TBATA: variants seen among roughly 807,000 people sequenced by gnomAD.
The protein encoded by TBATA is thymus, brain and testes associated, also known as protein TBATA.
A neutral mutation model predicts 38.7 loss-of-function variants in TBATA; 47 were observed. The observed-to-expected ratio is 1.21, with a 90% CI of 0.96 to 1.55. The LOEUF is 1.55. TBATA is among the 40% of genes most tolerant of loss of function. The probability of loss-of-function intolerance (pLI) is 0.00; values close to 1 mark genes in which losing one functional copy is unlikely to be tolerated. For synonymous variants in TBATA, 183 were observed against 170.5 expected (o/e 1.07, Z -0.57); for missense variants, 436 against 435.6 (o/e 1.00, Z -0.01).
At position 70,771,396 on chromosome 10, in the gene TBATA, T is replaced by C; in HGVS notation, c.1039A>G (p.Lys347Glu). 1.9e-6 allele frequency: 3 copies of C among 1,614,180 alleles called. No homozygotes were observed. Among genetic ancestry groups the C allele is most frequent in the Non-Finnish European group, 1.7e-6 (2 of 1,180,010 alleles). Residue 347 changes from lysine to glutamate, a missense_variant, in exon 11 of 11, where the codon AAG (lysine) becomes GAG (glutamate). Coordinates refer to ENST00000456372, the MANE Select transcript of TBATA (RefSeq NM_001318241.2). ...GCCCCTCAGCTCTCTGCCCTCGGCT[T>C]CGATGTCTTCTTCTCTGTGTTCTGG... ...SSQNTEKKTS[K>E]PRAES is the part of the protein sequence containing the mutation.
At position 70,783,480 on chromosome 10, in the gene TBATA, A is replaced by G. The variant is rs1280513141; in HGVS notation, c.-101T>C. Reference sequence around the variant, plus strand: ...AATACTAGTGTTGAGGATGCAGAACAGGAACTCTCACGAACTGGTGGTGGA... The same window carrying G: ...AATACTAGTGTTGAGGATGCAGAACGGGAACTCTCACGAACTGGTGGTGGA... On this transcript the variant is annotated 5_prime_UTR_variant, in exon 3 of 11. Transcript: ENST00000456372. 8 of 1,387,342 alleles carry G rather than the reference A, an allele frequency of 5.8e-6. No individual in the cohort carries two copies. The Admixed American group carries it at 7.0e-5, about 12-fold the overall frequency. 85.9% of individuals were successfully genotyped at this position (1,387,342 alleles called of 1,614,324 possible).
At chr10:70,775,166 G>A in intron 8 of TBATA, 23 bp downstream of exon 8, 1 of 1,602,000 alleles carries the variant, frequency 6.2e-7, no homozygotes, top group Middle Eastern at 1.7e-4. Context: ...CACTGAGACA[G>A]TGCTGCGGGG....
At chr10:70,779,785 C>A (rs376820093) in intron 4 of TBATA, 43 bp from the exon 5 acceptor site, 40 of 1,502,216 alleles carry the variant, frequency 2.7e-5, no homozygotes, top group East Asian at 2.2e-4. Context: ...CTTAGGTGGA[C>A]CTTAAGAGCT....
intron 8 of TBATA, 87 bp downstream of exon 8, chr10:70,775,102 G>A (rs1843218495): frequency 7.6e-7 from 1 of 1,319,236 alleles, no homozygotes; most frequent in Admixed American, 1.7e-5. Flanking sequence ...TGGGAGCTGA[G>A]GGACATTTGA....
In TBATA at chr10:70,783,492, G is replaced by T. The variant is rs529298761; in HGVS notation, c.-113C>A. 9.5e-6 allele frequency: 12 copies of T among 1,257,260 alleles called. No homozygotes were observed. Among genetic ancestry groups the T allele is most frequent in the African/African-American group, 8.8e-5 (6 of 68,418 alleles). 77.9% of individuals were successfully genotyped at this position (1,257,260 alleles called of 1,614,324 possible). A position where few individuals can be genotyped will look rare whatever the true frequency, so the allele number is the denominator to read the frequency against. ...GAGGATGCAGAACAGGAACTCTCACGAACTGGTGGTGGAAGTGTAAACGGG... is the reference window on the plus strand; with the variant it reads ...GAGGATGCAGAACAGGAACTCTCACTAACTGGTGGTGGAAGTGTAAACGGG... On this transcript the variant is annotated 5_prime_UTR_variant, in exon 3 of 11. Transcript: ENST00000456372.
At chr10:70,776,421 T>C (rs1301887447) in intron 7 of TBATA, 1 of 456,288 alleles carries the variant, frequency 2.2e-6, no homozygotes, top group South Asian at 1.5e-5. Flanking sequence ...CTGGCTATGC[T>C]GCTCCGTCTC....
Position 70,783,520 on chromosome 10 carries a change from C to CA in TBATA, c.-142dup. ...CTGGTGGTGGAAGTGTAAACGGGAA[C>CA]AGGCACTTTAGGGGGAGAAATGGTA... On this transcript the variant is annotated 5_prime_UTR_variant, in exon 3 of 11. Transcript: ENST00000456372. The CA allele has an allele frequency of 1.1e-6, 1 of 929,482 alleles. No homozygotes were observed. The highest frequency in any genetic ancestry group is 1.7e-6 in the Non-Finnish European group (1 of 589,020). 57.6% of individuals were successfully genotyped at this position (929,482 alleles called of 1,614,324 possible).
At chr10:70,774,503 C>A (rs1843135090) in intron 8 of TBATA, 146 bp from the exon 9 acceptor site, 1 of 725,570 alleles carries the variant, frequency 1.4e-6, no homozygotes, top group Non-Finnish European at 2.2e-6. Context: ...AGAGCTCCCC[C>A]TTCTCTCCTG....
intron 4 of TBATA, among the ~76,000 whole-genome samples, chr10:70,780,130 T>G (rs1786434734): frequency 1.3e-5 from 2 of 152,114 alleles, no homozygotes; most frequent in Non-Finnish European, 2.9e-5. Context: ...GGGCATTATG[T>G]CACAGTTCAT....
At chr10:70,779,521 C>G in intron 5 of TBATA, 72 bp downstream of exon 5, 1 of 1,416,086 alleles carries the variant, frequency 7.1e-7, no homozygotes, top group East Asian at 2.8e-5. Context: ...TTCTGGGCAC[C>G]CACCCAAGTG....
intron 8 of TBATA, 46 bp from the exon 9 acceptor site, chr10:70,774,403 T>C: frequency 2.0e-6 from 3 of 1,534,692 alleles, no homozygotes; most frequent in Non-Finnish European, 2.6e-6. Flanking sequence ...CCAGCCCCCT[T>C]CCTGTCCCTG....
chr10:70,783,368 A>G lies in TBATA; in HGVS notation c.12T>C (p.Asp4=), dbSNP rs758753509. 2.5e-6 allele frequency: 4 copies of G among 1,614,000 alleles called. No individual in the cohort carries two copies. Among genetic ancestry groups the G allele is most frequent in the African/African-American group, 2.7e-5 (2 of 74,912 alleles). MAT[D]VQLADYPLMS... ...TCAGTGGATAATCAGCCAATTGAAC[A>G]TCTGTAGCCATTGTATGCTTTTTAA... The change falls in exon 3 of 11, where the codon GAT becomes GAC. Residue 4 remains aspartate, a synonymous_variant. Transcript: ENST00000456372.
At chr10:70,782,109 G>T in intron 3 of TBATA, 73 bp from the exon 4 acceptor site, 6 of 1,500,384 alleles carry the variant, frequency 4.0e-6, no homozygotes, top group Non-Finnish European at 5.5e-6. Context: ...TCAGAGCTCA[G>T]TGCTTGTTAC....
chr10:70,782,420 T>A (rs913837895), intron 3 of TBATA: 4 of 1,299,346 alleles, frequency 3.1e-6, no homozygotes, highest in Non-Finnish European at 4.0e-6. Context: ...GGGGATGGTC[T>A]CAACAGGGGC....
intron 9 of TBATA, 197 bp downstream of exon 9, chr10:70,774,016 C>T (rs1289425883): frequency 3.4e-6 from 1 of 292,372 alleles, no homozygotes; most frequent in African/African-American, 2.3e-5. Context: ...AGTTTGGGGG[C>T]TGGTCTGGCT....
chr10:70,779,019 TG>T (rs1284408632), intron 5 of TBATA, among the ~76,000 whole-genome samples: 2 of 152,222 alleles, frequency 1.3e-5, no homozygotes, highest in Non-Finnish European at 2.9e-5. Flanking sequence ...CAGATGGGCC[TG>T]TTATTAAGAA....
chr10:70,774,489 C>T (rs932206848), intron 8 of TBATA, 132 bp from the exon 9 acceptor site: 77 of 816,456 alleles, frequency 9.4e-5, no homozygotes, highest in African/African-American at 1.4e-4. Flanking sequence ...CAGGTCCCCT[C>T]GGGAGAGCTC....
intron 4 of TBATA, among the ~76,000 whole-genome samples, chr10:70,781,334 C>T (rs899086024): frequency 4.6e-5 from 7 of 152,236 alleles, no homozygotes; most frequent in African/African-American, 1.4e-4. Flanking sequence ...GACACCTTCC[C>T]CATCTCCCAT....
At chr10:70,781,616 C>G (rs1368850209) in intron 4 of TBATA, among the ~76,000 whole-genome samples, 185 bp downstream of exon 4, 1 of 152,202 alleles carries the variant, frequency 6.6e-6, no homozygotes. Flanking sequence ...TGTCACCCAC[C>G]CTTGGAGGCT....
Sources: gnomAD v4.1 joint callset for allele counts (sites outside exome capture counted in the v4.1 genomes callset) on GRCh38, gnomAD v4.1.1 for gene constraint, MANE v1.5 for transcripts, NCBI Gene and HGNC (gene_info 2026-07-23, HGNC 2026-07-21) for gene names.